The following ADGRB3 variants were observed in gnomAD, a reference collection of about 807,000 sequenced individuals.
ADGRB3 encodes the protein brain-specific angiogenesis inhibitor 3.
In ADGRB3, 37 loss-of-function variants were observed where a neutral mutation model predicts 193.4. The ratio of observed to expected loss-of-function variants is 0.19; its 90% confidence interval spans 0.15 to 0.25. ADGRB3 has a LOEUF of 0.25. ADGRB3 is among the 10% of genes least tolerant of loss of function. The pLI, the probability that ADGRB3 is intolerant of heterozygous loss-of-function variation, is 1.00. For missense variants in ADGRB3, 1,637 were observed against 1,852.9 expected, an observed-to-expected ratio of 0.88 and a Z score of 2.14; for synonymous variants, 690 against 644.2, an observed-to-expected ratio of 1.07 and a Z score of -1.08.
At chr6:69,216,428 T>A (rs547200804) in intron 17 of ADGRB3, among the ~76,000 whole-genome samples, 14 of 152,284 alleles carry the variant, frequency 9.2e-5, no homozygotes, top group Middle Eastern at 3.4e-3. Context: ...CAGGCCCTGG[T>A]TGTGGTTATC....
chr6:68,755,361 G>A (rs1215222354), intron 3 of ADGRB3, among the ~76,000 whole-genome samples: 1 of 152,162 alleles, frequency 6.6e-6, no homozygotes, highest in East Asian at 1.9e-4. Context: ...GGACAGTTTT[G>A]ACCTGACTGG....
At chr6:69,151,602 G>C (rs1010090292) in intron 17 of ADGRB3, among the ~76,000 whole-genome samples, 3 of 152,128 alleles carry the variant, frequency 2.0e-5, no homozygotes, top group African/African-American at 7.2e-5. Flanking sequence ...GGACTTTTTT[G>C]TGTAGATGGC....
At chr6:68,794,873 G>A (rs558970139) in intron 3 of ADGRB3, among the ~76,000 whole-genome samples, 5 of 152,186 alleles carry the variant, frequency 3.3e-5, no homozygotes, top group African/African-American at 1.2e-4. Flanking sequence ...ACCAGGCAAA[G>A]GTGGAGTCCT....
chr6:69,202,520 T>C (rs1237624251), intron 17 of ADGRB3, among the ~76,000 whole-genome samples: 1 of 152,114 alleles, frequency 6.6e-6, no homozygotes, highest in East Asian at 1.9e-4. Context: ...AATTGTCCTA[T>C]AAACCACAAC....
At chr6:69,123,992 T>G (rs1389651875) in intron 17 of ADGRB3, among the ~76,000 whole-genome samples, 2 of 152,174 alleles carry the variant, frequency 1.3e-5, no homozygotes, top group Non-Finnish European at 2.9e-5. Context: ...TTCACTTAAT[T>G]AATACCTTAC....
chr6:68,784,447 T>C (rs1031929182), intron 3 of ADGRB3, among the ~76,000 whole-genome samples: 10 of 152,182 alleles, frequency 6.6e-5, no homozygotes. Context: ...ATTAAACTGC[T>C]ATATAATTCC....
chr6:69,105,787 A>G (rs1773189708), intron 17 of ADGRB3, among the ~76,000 whole-genome samples: 2 of 152,192 alleles, frequency 1.3e-5, no homozygotes, highest in South Asian at 4.1e-4. Context: ...CAGAACCCAG[A>G]TGTGAACACA....
At chr6:68,954,238 C>T (rs1768009964) in intron 6 of ADGRB3, among the ~76,000 whole-genome samples, 1 of 152,022 alleles carries the variant, frequency 6.6e-6, no homozygotes, top group African/African-American at 2.4e-5. Context: ...TTTATTTATT[C>T]ATTTGCATGC....
chr6:68,900,753 G>A (rs1322962820), intron 3 of ADGRB3, among the ~76,000 whole-genome samples: 3 of 152,030 alleles, frequency 2.0e-5, no homozygotes, highest in African/African-American at 4.8e-5. Context: ...CACTGGGCCC[G>A]TGATGCAGCA....
At chr6:68,785,693 A>C (rs967898672) in intron 3 of ADGRB3, among the ~76,000 whole-genome samples, 1 of 152,148 alleles carries the variant, frequency 6.6e-6, no homozygotes, top group African/African-American at 2.4e-5. Context: ...GGCTGGGTCA[A>C]ATGCTATTTC....
At chr6:69,065,679 T>A (rs1771879506) in intron 16 of ADGRB3, among the ~76,000 whole-genome samples, 2 of 151,646 alleles carry the variant, frequency 1.3e-5, no homozygotes, top group South Asian at 4.1e-4. Context: ...TGAAATATAA[T>A]GTTAGCTGAA....
chr6:68,779,228 T>TATTG (rs1554192670), intron 3 of ADGRB3, among the ~76,000 whole-genome samples: 1 of 93,292 alleles, frequency 1.1e-5, no homozygotes, highest in African/African-American at 3.9e-5. Context: ...TATGTATATA[T>TATTG]TATGTGTGTG....
intron 3 of ADGRB3, among the ~76,000 whole-genome samples, chr6:68,828,883 A>G (rs978524413): frequency 2.6e-5 from 4 of 152,252 alleles, no homozygotes; most frequent in Admixed American, 1.3e-4. Context: ...TGCCCACTGT[A>G]TGACTGGAGT....
intron 17 of ADGRB3, among the ~76,000 whole-genome samples, chr6:69,176,970 G>A (rs1407074039): frequency 1.3e-5 from 2 of 152,126 alleles, no homozygotes; most frequent in Non-Finnish European, 1.5e-5. Flanking sequence ...GGAATTGGTT[G>A]TATAGTCACT....
chr6:69,065,324 G>T (rs996594388), intron 16 of ADGRB3, among the ~76,000 whole-genome samples: 3 of 152,092 alleles, frequency 2.0e-5, no homozygotes, highest in African/African-American at 7.2e-5. Context: ...CGTGCACATC[G>T]TGCCTCTTCT....
intron 20 of ADGRB3, among the ~76,000 whole-genome samples, chr6:69,323,213 A>G (rs1768499433): frequency 6.6e-6 from 1 of 152,022 alleles, no homozygotes; most frequent in Admixed American, 6.6e-5. Context: ...TAGCTTTGCT[A>G]GTGCATACAA....
intron 3 of ADGRB3, among the ~76,000 whole-genome samples, chr6:68,852,545 A>C (rs1768425874): frequency 6.6e-6 from 1 of 151,982 alleles, no homozygotes; most frequent in South Asian, 2.1e-4. Context: ...AGGCCACCTG[A>C]AATTGTTTTA....
intron 3 of ADGRB3, among the ~76,000 whole-genome samples, chr6:68,659,559 T>A (rs2127286441): frequency 6.6e-6 from 1 of 151,124 alleles, no homozygotes; most frequent in Admixed American, 6.6e-5. Context: ...TTAATGTAAT[T>A]TGTAACTATT....
At chr6:68,968,173 C>A (rs564945506) in intron 8 of ADGRB3, among the ~76,000 whole-genome samples, 4 of 152,226 alleles carry the variant, frequency 2.6e-5, no homozygotes, top group East Asian at 1.9e-4. Flanking sequence ...CTCTTACTCC[C>A]CACCTTGATT....
Sources: gnomAD v4.1 joint callset for allele counts (sites outside exome capture counted in the v4.1 genomes callset) on GRCh38, gnomAD v4.1.1 for gene constraint, MANE v1.5 for transcripts, NCBI Gene and HGNC (gene_info 2026-07-23, HGNC 2026-07-21) for gene names.